The following MBD5 variants were observed in gnomAD, a reference collection of about 807,000 sequenced individuals.
MBD5 encodes methyl-CpG-binding domain protein 5.
Under a neutral mutation model 117.3 loss-of-function variants are expected in MBD5, and 13 were observed. The ratio of observed to expected loss-of-function variants is 0.11; its 90% CI spans 0.07 to 0.18. The LOEUF is 0.18. Ranked by LOEUF, MBD5 falls within the 10% of genes least tolerant of loss-of-function variation. The probability of loss-of-function intolerance (pLI) is 1.00; values close to 1 mark genes in which losing one functional copy is unlikely to be tolerated. For synonymous variants in MBD5, 727 were observed against 766.4 expected, an observed-to-expected ratio of 0.95 and a Z score of 0.85; for missense variants, 1,879 against 2,093.8, an observed-to-expected ratio of 0.90 and a Z score of 2.00.
chr2:148,343,489 T>C (rs1303211933), intron 4 of MBD5, among the ~76,000 whole-genome samples: 1 of 152,084 alleles, frequency 6.6e-6, no homozygotes, highest in African/African-American at 2.4e-5. Context: ...AGAAGGTATC[T>C]AATTATGGTT....
At chr2:148,474,798 A>G (rs1680906839) in intron 8 of MBD5, among the ~76,000 whole-genome samples, 1 of 152,154 alleles carries the variant, frequency 6.6e-6, no homozygotes, top group African/African-American at 2.4e-5. Flanking sequence ...GACAGCCATT[A>G]ATATGGTAGG....
At chr2:148,135,554 A>AT (rs1167516545) in intron 1 of MBD5, among the ~76,000 whole-genome samples, 1 of 152,072 alleles carries the variant, frequency 6.6e-6, no homozygotes, top group African/African-American at 2.4e-5. Flanking sequence ...CAGCAACTTT[A>AT]TTCTAGGAGC....
chr2:148,158,968 C>T (rs533106264), intron 1 of MBD5, among the ~76,000 whole-genome samples: 3 of 152,312 alleles, frequency 2.0e-5, no homozygotes, highest in East Asian at 1.9e-4. Flanking sequence ...GTGATCTGCC[C>T]GCCTTGGCCT....
chr2:148,354,265 C>T (rs921228967), intron 4 of MBD5, among the ~76,000 whole-genome samples: 1 of 152,010 alleles, frequency 6.6e-6, no homozygotes, highest in Admixed American at 6.6e-5. Flanking sequence ...CTCCCCTTGC[C>T]CTCCACCCCC....
At chr2:148,398,125 T>A (rs1704794081) in intron 4 of MBD5, among the ~76,000 whole-genome samples, 1 of 152,216 alleles carries the variant, frequency 6.6e-6, no homozygotes, top group African/African-American at 2.4e-5. Context: ...CGTGTGCATG[T>A]GTCTTTATAG....
Position 148,483,208 on chromosome 2 carries a change from A to G in MBD5, c.2617A>G (p.Thr873Ala), listed in dbSNP as rs1351099066. ...SVLQDGVIVT[T>A]AAGNPLQSQL... Reference sequence around the variant, plus strand: ...TCTTCAAGATGGCGTCATAGTCACCACTGCAGCTGGAAACCCACTGCAGAG... The same window carrying G: ...TCTTCAAGATGGCGTCATAGTCACCGCTGCAGCTGGAAACCCACTGCAGAG... Residue 873 changes from threonine (T) to alanine (A), a missense_variant, in exon 9 of 14, where the codon ACT becomes GCT. By Grantham distance (58) the Thr-to-Ala change is moderately conservative. Around this residue, in one of 4 missense-constraint regions of MBD5, gnomAD observed 1,666 missense variants for 1,792.2 expected, o/e 0.93. Transcript: ENST00000642680. 1 of 1,613,678 alleles carries G rather than the reference A, an allele frequency of 6.2e-7. No homozygotes were observed. The highest frequency in any genetic ancestry group is 1.7e-5 in the Admixed American group (1 of 59,942).
chr2:148,263,579 T>C (rs1700784222), intron 3 of MBD5, among the ~76,000 whole-genome samples: 1 of 152,078 alleles, frequency 6.6e-6, no homozygotes, highest in Non-Finnish European at 1.5e-5. Context: ...GAGAATACAA[T>C]CAATCTTCAA....
Position 148,469,413 on chromosome 2 carries a change from C to G in MBD5, c.1470C>G (p.Pro490=), listed in dbSNP as rs745334635. The G allele has an allele frequency of 6.8e-6, 11 of 1,613,872 alleles. No homozygotes were observed. In the South Asian group the frequency reaches 1.1e-4, roughly 16 times the overall value. The change falls in exon 8 of 14, where the codon CCC becomes CCG. Residue 490 remains proline, a synonymous_variant. Coordinates refer to ENST00000642680, the MANE Select transcript of MBD5 (RefSeq NM_001378120.1). ...CTTCTAGTGGTATTAAGGTTCCACC[C>G]AGGTCACCAAGGTCAACAATAGGGT... is the stretch of plus-strand genomic sequence containing the variant. ...QATSSGIKVP[P]RSPRSTIGSP...
chr2:148,034,216 A>G (rs966203935), intron 1 of MBD5, among the ~76,000 whole-genome samples: 6 of 152,312 alleles, frequency 3.9e-5, no homozygotes, highest in Non-Finnish European at 8.8e-5. Context: ...ATGTTTGAAA[A>G]GACAGTTTAC....
Position 148,483,685 on chromosome 2 carries a change from C to T in MBD5, c.3094C>T (p.Pro1032Ser). The part of the protein sequence containing the change: ...PLPSLTQMTA[P>S]PDHLPSNQSD... Reference sequence around the variant, plus strand: ...ACCCTCATTAACACAGATGACAGCCCCACCAGACCATTTGCCAAGCAATCA... The same window carrying T: ...ACCCTCATTAACACAGATGACAGCCTCACCAGACCATTTGCCAAGCAATCA... The change falls in exon 9 of 14, where the codon CCA (proline) becomes TCA (serine). Residue 1032 changes from proline (P) to serine (S), a missense_variant. Pro to Ser is a moderately conservative substitution (Grantham distance 74). This residue lies in a region of MBD5 where 1,666 missense variants were observed against 1,792.2 expected (regional missense o/e 0.93). Transcript: ENST00000642680. 1 of 1,550,672 alleles carries T rather than the reference C, an allele frequency of 6.4e-7. No individual in the cohort carries two copies. The highest frequency in any genetic ancestry group is 8.7e-7 in the Non-Finnish European group (1 of 1,147,010).
chr2:148,287,819 T>C (rs1701398875), intron 3 of MBD5, among the ~76,000 whole-genome samples: 1 of 152,114 alleles, frequency 6.6e-6, no homozygotes, highest in African/African-American at 2.4e-5. Flanking sequence ...ATAACAACAT[T>C]AATTCATTTA....
intron 3 of MBD5, among the ~76,000 whole-genome samples, chr2:148,274,725 G>GT (rs34560513): frequency 0.38 from 53,933 of 143,694 alleles, 10,274 homozygotes; most frequent in Admixed American, 0.48. Context: ...GAGTTTTTTT[G>GT]TTTTTTTTTT....
At chr2:148,228,363 G>A (rs1241619233) in intron 2 of MBD5, among the ~76,000 whole-genome samples, 1 of 152,164 alleles carries the variant, frequency 6.6e-6, no homozygotes, top group Non-Finnish European at 1.5e-5. Context: ...CATCTATTGA[G>A]ATAATCATGT....
At chr2:148,135,376 A>T (rs1040146249) in intron 1 of MBD5, among the ~76,000 whole-genome samples, 2 of 152,080 alleles carry the variant, frequency 1.3e-5, no homozygotes, top group African/African-American at 4.8e-5. Context: ...GCATATTTTC[A>T]GCTGTTTCTT....
At chr2:148,071,383 T>C (rs1246830856) in intron 1 of MBD5, 1 of 151,300 alleles carries the variant, frequency 6.6e-6, no homozygotes, top group African/African-American at 2.4e-5. Flanking sequence ...GAAGCCACAA[T>C]TATTGAGGCA....
intron 1 of MBD5, among the ~76,000 whole-genome samples, chr2:148,108,638 C>T (rs1326483901): frequency 1.3e-5 from 2 of 152,120 alleles, no homozygotes; most frequent in East Asian, 3.9e-4. Flanking sequence ...CTTTCAGTAC[C>T]AGTCTTAACT....
intron 1 of MBD5, among the ~76,000 whole-genome samples, chr2:148,125,302 T>G (rs1044090207): frequency 1.3e-5 from 2 of 152,146 alleles, no homozygotes; most frequent in Non-Finnish European, 2.9e-5. Context: ...CTTTTTGTTT[T>G]TAGCTTTTTA....
At chr2:148,281,425 G>T (rs935454323) in intron 3 of MBD5, among the ~76,000 whole-genome samples, 1 of 151,474 alleles carries the variant, frequency 6.6e-6, no homozygotes. Flanking sequence ...TCATTTTTTT[G>T]CATACACCAA....
At chr2:148,325,927 T>G (rs1177480233) in intron 3 of MBD5, among the ~76,000 whole-genome samples, 2 of 152,198 alleles carry the variant, frequency 1.3e-5, no homozygotes, top group East Asian at 3.8e-4. Flanking sequence ...ATTGTGATGT[T>G]AGGGTGTCAA....
Sources: allele counts gnomAD v4.1 joint callset (sites outside exome capture counted in the v4.1 genomes callset), GRCh38; gene constraint gnomAD v4.1.1; regional missense constraint gnomAD v4.1.1; transcripts MANE v1.5; gene names NCBI Gene and HGNC (gene_info 2026-07-23, HGNC 2026-07-21).